The following OR1F1 variants were observed in gnomAD, a reference collection of about 807,000 sequenced individuals.
OR1F1 encodes olfactory receptor 1F1.
For missense variants in OR1F1, 493 were observed against 376.3 expected, an observed-to-expected ratio of 1.31 and a Z score of -2.57; for synonymous variants, 184 against 156.7, an observed-to-expected ratio of 1.17 and a Z score of -1.30.
downstream of OR1F1, among the ~76,000 whole-genome samples, chr16:3,205,809 A>G (rs765802024): frequency 2.6e-5 from 4 of 152,174 alleles, no homozygotes; most frequent in Non-Finnish European, 4.4e-5. Context: ...CTGACGATGT[A>G]CGTCACCTCA....
exon 1 of OR1F1, chr16:3,204,985 G>C (rs1351004169): frequency 3.1e-6 from 5 of 1,614,176 alleles, no homozygotes; most frequent in Admixed American, 1.7e-5. Flanking sequence ...TCACCTGGCT[G>C]TGGTTCTCCT....
the OR1F1 span, chr16:3,191,479 G>A: frequency 2.0e-5 from 3 of 152,098 alleles, no homozygotes; most frequent in Non-Finnish European, 2.9e-5. Flanking sequence ...CCAATTACTA[G>A]ACATAAAACG....
At chr16:3,191,175 A>G in the OR1F1 span, 1 of 152,126 alleles carries the variant, frequency 6.6e-6, no homozygotes, top group Non-Finnish European at 1.5e-5. Flanking sequence ...GCCTCCAAAA[A>G]GAGGTTGTCG....
upstream of OR1F1, among the ~76,000 whole-genome samples, chr16:3,203,017 G>C (rs1039841641): frequency 2.6e-5 from 4 of 152,170 alleles, no homozygotes; most frequent in Non-Finnish European, 5.9e-5. Context: ...CAGCATCCCA[G>C]CTGGGTGGGG....
At chr16:3,205,692 C>A (rs1958199831), downstream of OR1F1, among the ~76,000 whole-genome samples, 1 of 152,150 alleles carries the variant, frequency 6.6e-6, no homozygotes, top group South Asian at 2.1e-4. Flanking sequence ...AATCTCTGAA[C>A]ATAAGCTGTG....
the OR1F1 span, among the ~76,000 whole-genome samples, chr16:3,196,116 G>T: frequency 6.6e-6 from 1 of 152,344 alleles, no homozygotes; most frequent in East Asian, 1.9e-4. Context: ...GTCAAGTGGT[G>T]AGCACACACT....
the OR1F1 span, among the ~76,000 whole-genome samples, chr16:3,190,641 C>T: frequency 1.3e-5 from 2 of 150,240 alleles, no homozygotes; most frequent in Non-Finnish European, 1.5e-5. Context: ...ATCCCAGGTA[C>T]TAGGAAGGAT....
At chr16:3,194,359 C>G in the OR1F1 span, among the ~76,000 whole-genome samples, 20 of 152,158 alleles carry the variant, frequency 1.3e-4, no homozygotes, top group Non-Finnish European at 1.2e-4. Context: ...CGTTCCATTT[C>G]ATAGAAATAA....
downstream of OR1F1, among the ~76,000 whole-genome samples, chr16:3,205,468 A>G (rs1270903720): frequency 2.7e-5 from 4 of 148,610 alleles, no homozygotes; most frequent in Non-Finnish European, 5.9e-5. Context: ...GGTGTGTGCC[A>G]CATGCCTAGC....
At position 3,204,264 on chromosome 16, in the gene OR1F1, G is replaced by C. The variant is rs757475700; in HGVS notation, c.18G>C (p.Gln6His). 3.0e-5 allele frequency: 48 copies of C among 1,608,916 alleles called. No homozygotes were observed. The South Asian group carries it at 4.9e-4, about 16-fold the overall frequency. Residue 6 changes from glutamine to histidine, a missense_variant, in exon 1 of 1, where the codon CAG becomes CAC. Gln to His is a conservative substitution (Grantham distance 24). Transcript: ENST00000304646. Reference sequence around the variant, plus strand: ...CCAGGCCCATGAGCGGGACAAACCAGTCGAGTGTCTCCGAGTTCCTCCTCC... The same window carrying C: ...CCAGGCCCATGAGCGGGACAAACCACTCGAGTGTCTCCGAGTTCCTCCTCC...
chr16:3,201,996 A>T (rs1457189671), upstream of OR1F1, among the ~76,000 whole-genome samples: 1 of 152,196 alleles, frequency 6.6e-6, no homozygotes, highest in African/African-American at 2.4e-5. Context: ...CCTCTGCAGG[A>T]GCAGTCAGGC....
At chr16:3,191,777 G>T in the OR1F1 span, among the ~76,000 whole-genome samples, 2 of 152,144 alleles carry the variant, frequency 1.3e-5, no homozygotes, top group Non-Finnish European at 2.9e-5. Context: ...GCAGAGGGGC[G>T]GGGGCGGGTG....
chr16:3,190,875 A>T, the OR1F1 span, among the ~76,000 whole-genome samples: 1 of 152,218 alleles, frequency 6.6e-6, no homozygotes. Flanking sequence ...TAATACAATT[A>T]TCCTTAGGAA....
At chr16:3,192,498 T>C in the OR1F1 span, among the ~76,000 whole-genome samples, 1 of 152,362 alleles carries the variant, frequency 6.6e-6, no homozygotes, top group Non-Finnish European at 1.5e-5. Context: ...GATCGCCTTG[T>C]CGCATGAGTG....
At chr16:3,197,151 C>T in the OR1F1 span, among the ~76,000 whole-genome samples, 1 of 151,754 alleles carries the variant, frequency 6.6e-6, no homozygotes, top group African/African-American at 2.4e-5. Context: ...GCTGAGATTA[C>T]AGGCATGAGC....
At chr16:3,206,137 A>C (rs1958206432), downstream of OR1F1, among the ~76,000 whole-genome samples, 1 of 152,130 alleles carries the variant, frequency 6.6e-6, no homozygotes, top group Non-Finnish European at 1.5e-5. Flanking sequence ...GCTCTGGGAG[A>C]GTCTGTCTTA....
At chr16:3,192,040 G>A in the OR1F1 span, among the ~76,000 whole-genome samples, 4 of 152,190 alleles carry the variant, frequency 2.6e-5, no homozygotes, top group South Asian at 2.1e-4. Flanking sequence ...GAGGTCCCGG[G>A]TTCAAATCCC....
the OR1F1 span, among the ~76,000 whole-genome samples, chr16:3,198,217 C>T: frequency 6.6e-6 from 1 of 152,086 alleles, no homozygotes; most frequent in Middle Eastern, 3.4e-3. Context: ...TGGAGGCTAA[C>T]AGGTCCCCAA....
At chr16:3,202,939 G>T (rs1958152080), upstream of OR1F1, among the ~76,000 whole-genome samples, 1 of 151,986 alleles carries the variant, frequency 6.6e-6, no homozygotes, top group South Asian at 2.1e-4. Flanking sequence ...ATTGAGTGCT[G>T]GTCTGTGAAA....
Sources: gnomAD v4.1 joint callset for allele counts (sites outside exome capture counted in the v4.1 genomes callset) on GRCh38, gnomAD v4.1.1 for gene constraint, MANE v1.5 for transcripts, NCBI Gene and HGNC (gene_info 2026-07-23, HGNC 2026-07-21) for gene names.